Variants in GPD1L observed in about 807,000 individuals in gnomAD.
GPD1L encodes glycerol-3-phosphate dehydrogenase 1-like protein.
Under a neutral mutation model 32.9 loss-of-function variants are expected in GPD1L, and 17 were observed. The ratio of observed to expected loss-of-function variants is 0.52; its 90% CI spans 0.35 to 0.78. The LOEUF is 0.78. Among genes scored for constraint, GPD1L ranks in the 30% least tolerant of loss-of-function variants. GPD1L has a pLI of 0.01. For synonymous variants in GPD1L, 187 were observed against 165.9 expected, an observed-to-expected ratio of 1.13 and a Z score of -0.98; for missense variants, 361 against 447.8, an observed-to-expected ratio of 0.81 and a Z score of 1.75.
In GPD1L at chr3:32,121,624, T is replaced by TAATATATATATTTC. The variant is rs1553657530; in HGVS notation, c.48-6452_48-6451insAATATATATATTTC. Among the ~76,000 whole-genome samples, 85 of 65,862 alleles carry TAATATATATATTTC rather than the reference T, an allele frequency of 1.3e-3. 4 individuals carry two copies. Among genetic ancestry groups the TAATATATATATTTC allele is most frequent in the African/African-American group, 9.2e-3 (68 of 7,352 alleles). The allele number at this position is 65,862 out of a possible 152,430, so 43.2% of individuals were successfully genotyped here. On this transcript the variant is annotated intron_variant, in intron 1 of 7. Coordinates refer to ENST00000282541, the MANE Select transcript of GPD1L (RefSeq NM_015141.4). ...ATTTCTATATATATTTCTATATATA[T>TAATATATATATTTC]TATATATATTTCTATATATATAATA...
At chr3:32,108,650 C>G (rs1700200028) in intron 1 of GPD1L, among the ~76,000 whole-genome samples, 1 of 152,250 alleles carries the variant, frequency 6.6e-6, no homozygotes, top group African/African-American at 2.4e-5. Flanking sequence ...TCTGTCCTTT[C>G]TGGAGGAATT....
At chr3:32,123,648 A>C (rs891902483) in intron 1 of GPD1L, among the ~76,000 whole-genome samples, 1 of 152,130 alleles carries the variant, frequency 6.6e-6, no homozygotes, top group Admixed American at 6.5e-5. Context: ...CCCTTGACCC[A>C]GCCATGTGAA....
At chr3:32,115,174 G>A (rs1700309504) in intron 1 of GPD1L, among the ~76,000 whole-genome samples, 1 of 152,178 alleles carries the variant, frequency 6.6e-6, no homozygotes. Context: ...AGTGCTGATT[G>A]ATGCATTTTA....
At position 32,168,065 on chromosome 3, in the gene GPD1L, T is replaced by G. The variant is rs1469216994; in HGVS notation, c.*2155T>G. ...TGAGGAGTTGGAACTTTGCGTGTTT[T>G]GCGTATTTTCATCTGCATTCAGCTT... is the stretch of plus-strand genomic sequence containing the variant. On this transcript the variant is annotated 3_prime_UTR_variant, in exon 8 of 8. Transcript: ENST00000282541. 1 of 152,226 alleles carries G rather than the reference T, an allele frequency of 6.6e-6. No homozygotes were observed. Among genetic ancestry groups the G allele is most frequent in the Non-Finnish European group, 1.5e-5 (1 of 68,048 alleles). 9.4% of individuals were successfully genotyped at this position (152,226 alleles called of 1,614,324 possible). A position where few individuals can be genotyped will look rare whatever the true frequency, so the allele number is the denominator to read the frequency against.
chr3:32,162,785 G>C (rs1409674218), intron 7 of GPD1L, among the ~76,000 whole-genome samples: 1 of 151,982 alleles, frequency 6.6e-6, no homozygotes, highest in Non-Finnish European at 1.5e-5. Context: ...GCAAGCTCCT[G>C]GGTCTCACTC....
chr3:32,110,920 C>G (rs751256723), intron 1 of GPD1L, among the ~76,000 whole-genome samples: 4 of 152,232 alleles, frequency 2.6e-5, no homozygotes, highest in Non-Finnish European at 5.9e-5. Context: ...GGCTAGAGTG[C>G]AATGGCACCA....
chr3:32,127,724 A>G (rs1700531408), intron 1 of GPD1L, among the ~76,000 whole-genome samples: 1 of 152,162 alleles, frequency 6.6e-6, no homozygotes. Context: ...ATCTTACCAC[A>G]GGTACATCTC....
rs769899821 is a variant in GPD1L, at chr3:32,106,669, C to T, written c.-43C>T. Reference sequence around the variant, plus strand: ...GGCTGAACAGGCGGAGGTGGGCAGCCGGCCAGGGAAGCACGGTCCAGGCGG... The same window carrying T: ...GGCTGAACAGGCGGAGGTGGGCAGCTGGCCAGGGAAGCACGGTCCAGGCGG... On this transcript the variant is annotated 5_prime_UTR_variant, in exon 1 of 8. Coordinates refer to ENST00000282541, the MANE Select transcript of GPD1L (RefSeq NM_015141.4). This position sits in a 1 kb window ranked among gnomAD's most constrained non-coding sequence, Gnocchi z 4.0. 14 of 1,486,118 alleles carry T rather than the reference C, an allele frequency of 9.4e-6. No individual in the cohort carries two copies. Among genetic ancestry groups the T allele is most frequent in the African/African-American group, 7.2e-5 (5 of 69,652 alleles). The allele number at this position is 1,486,118 out of a possible 1,614,324, so 92.1% of individuals were successfully genotyped here.
Position 32,128,120 on chromosome 3 carries a change from T to C in GPD1L, c.92T>C (p.Leu31Pro). Residue 31 changes from leucine to proline, a missense_variant, in exon 2 of 8, where the codon CTT (leucine) becomes CCT (proline). Coordinates refer to ENST00000282541, the MANE Select transcript of GPD1L (RefSeq NM_015141.4). ...AKIIGNNVKK[L>P]QKFASTVKMW... ...ATAATTGGTAATAATGTCAAGAAAC[T>C]TCAGAAATTTGCCTCCACAGTCAAG... is the stretch of plus-strand genomic sequence containing the variant. 1.2e-6 allele frequency: 2 copies of C among 1,613,102 alleles called. No individual in the cohort carries two copies. Among genetic ancestry groups the C allele is most frequent in the South Asian group, 2.2e-5 (2 of 91,060 alleles).
At chr3:32,164,008 A>G (rs1701110609) in intron 7 of GPD1L, among the ~76,000 whole-genome samples, 1 of 152,218 alleles carries the variant, frequency 6.6e-6, no homozygotes, top group Non-Finnish European at 1.5e-5. Flanking sequence ...CAGGAAGGGA[A>G]CAAGAGTAGT....
rs1296053814 is a variant in GPD1L, at chr3:32,140,281, G to A, written c.420G>A (p.Glu140=). 1.2e-6 allele frequency: 2 copies of A among 1,614,026 alleles called. No individual in the cohort carries two copies. The highest frequency in any genetic ancestry group is 1.7e-6 in the Non-Finnish European group (2 of 1,180,006). The stretch of plus-strand genomic sequence containing the variant: ...AGCTCATTTCTGACATCATCCGTGA[G>A]AAGATGGGTATTGACATCAGTGTGC... ...GLKLISDIIR[E]KMGIDISVLM... is the part of the protein sequence containing the mutation. Residue 140 remains glutamate (E), a synonymous_variant, in exon 4 of 8, where the codon GAG becomes GAA. Transcript: ENST00000282541.
intron 4 of GPD1L, among the ~76,000 whole-genome samples, chr3:32,144,274 A>G (rs1396651476): frequency 1.3e-5 from 2 of 152,100 alleles, no homozygotes; most frequent in Non-Finnish European, 2.9e-5. Context: ...TCAGGCCTCA[A>G]AATCCTGTCA....
At chr3:32,116,190 G>A (rs893597158) in intron 1 of GPD1L, among the ~76,000 whole-genome samples, 1 of 152,138 alleles carries the variant, frequency 6.6e-6, no homozygotes, top group Non-Finnish European at 1.5e-5. Flanking sequence ...TGGGTCGTCT[G>A]TTGAAATTCT....
chr3:32,130,594 CA>C (rs1443767524), intron 2 of GPD1L, among the ~76,000 whole-genome samples: 2 of 152,160 alleles, frequency 1.3e-5, no homozygotes, highest in Non-Finnish European at 2.9e-5. Context: ...ACAGTGACTT[CA>C]CCATGTCATT....
chr3:32,133,626 G>A (rs1316513461), intron 2 of GPD1L, among the ~76,000 whole-genome samples: 1 of 152,036 alleles, frequency 6.6e-6, no homozygotes, highest in African/African-American at 2.4e-5. Context: ...TTGATCCAGC[G>A]AGCCTATTTA....
At position 32,115,360 on chromosome 3, in the gene GPD1L, G is replaced by T. The variant is rs552167615; in HGVS notation, c.47+8602G>T. ...GAGTGCTGATTGGTGCATTTTTACA[G>T]AGTGCTGATTGGTGCGTTTACAATA... On this transcript the variant is annotated intron_variant, in intron 1 of 7. Coordinates refer to ENST00000282541, the MANE Select transcript of GPD1L (RefSeq NM_015141.4). Among the ~76,000 whole-genome samples the T allele has an allele frequency of 5.9e-5, 9 of 152,272 alleles. No individual in the cohort carries two copies. The East Asian group carries it at 1.7e-3, about 29-fold the overall frequency.
intron 7 of GPD1L, among the ~76,000 whole-genome samples, chr3:32,163,553 C>A (rs1701103474): frequency 6.6e-6 from 1 of 152,152 alleles, no homozygotes; most frequent in South Asian, 2.1e-4. Context: ...CCAAACTGAT[C>A]TAATTGTCCT....
At chr3:32,110,593 A>G (rs1222917622) in intron 1 of GPD1L, among the ~76,000 whole-genome samples, 1 of 152,250 alleles carries the variant, frequency 6.6e-6, no homozygotes, top group East Asian at 1.9e-4. Context: ...AGCTTCAGCC[A>G]GGAAGGTCCT....
intron 7 of GPD1L, among the ~76,000 whole-genome samples, chr3:32,163,942 C>G (rs950608860): frequency 6.6e-6 from 1 of 152,184 alleles, no homozygotes; most frequent in Non-Finnish European, 1.5e-5. Flanking sequence ...TGTTGGCTTT[C>G]CCTTGAACCT....
Sources: gnomAD v4.1 joint callset for allele counts (sites outside exome capture counted in the v4.1 genomes callset) on GRCh38, gnomAD v4.1.1 for gene constraint, Gnocchi (gnomAD v3.1) non-coding constraint, MANE v1.5 for transcripts, NCBI Gene and HGNC (gene_info 2026-07-23, HGNC 2026-07-21) for gene names.